The following RANBP17 variants were observed in gnomAD, a reference collection of about 807,000 sequenced individuals.
RANBP17 encodes RAN binding protein 17.
Under a neutral mutation model 141.2 loss-of-function variants are expected in RANBP17, and 158 were observed. That is an observed-to-expected ratio of 1.12 (90% confidence interval 0.98 to 1.28). The LOEUF is 1.28. RANBP17 is among the 50% of genes most tolerant of loss of function. RANBP17 has a pLI of 0.00. For synonymous variants in RANBP17, 430 were observed against 450.0 expected (o/e 0.96, Z 0.56); for missense variants, 1,438 against 1,290.7 (o/e 1.11, Z -1.75).
Position 171,233,067 on chromosome 5 carries a change from G to A in RANBP17, c.2423-7861G>A, listed in dbSNP as rs572374352. Reference sequence around the variant, plus strand: ...CTAGTAATTAGAAGGTAGACTGGGCGCAGCTGCTCATGCCTGTAGTCCTAG... The same window carrying A: ...CTAGTAATTAGAAGGTAGACTGGGCACAGCTGCTCATGCCTGTAGTCCTAG... On this transcript the variant is annotated intron_variant, in intron 22 of 27. Coordinates refer to ENST00000523189, the MANE Select transcript of RANBP17 (RefSeq NM_022897.5). Among the ~76,000 whole-genome samples the A allele has an allele frequency of 5.3e-5, 8 of 152,200 alleles. No individual in the cohort carries two copies. The South Asian group carries it at 8.3e-4, about 16-fold the overall frequency.
intron 14 of RANBP17, chr5:171,143,511 A>C (rs950185465): frequency 1.3e-5 from 2 of 152,084 alleles, no homozygotes; most frequent in East Asian, 3.9e-4. Context: ...CTTTAAAAAA[A>C]TTTTTTTCAC....
At chr5:170,881,746 A>G in intron 2 of RANBP17, 60 bp from the exon 3 acceptor site, 1 of 1,226,056 alleles carries the variant, frequency 8.2e-7, no homozygotes, top group Non-Finnish European at 1.1e-6. Flanking sequence ...GAACATCTCT[A>G]TCACAATGCT....
chr5:171,190,790 G>T (rs1329811618), intron 18 of RANBP17, among the ~76,000 whole-genome samples: 1 of 152,146 alleles, frequency 6.6e-6, no homozygotes, highest in African/African-American at 2.4e-5. Context: ...GTGTGGCAAG[G>T]CACTATAACA....
At chr5:171,090,145 G>A (rs545198078) in intron 14 of RANBP17, among the ~76,000 whole-genome samples, 48 of 152,292 alleles carry the variant, frequency 3.2e-4, no homozygotes, top group African/African-American at 1.1e-3. Flanking sequence ...GGAAAATGTG[G>A]AAGAGTTTGG....
chr5:171,157,089 A>G (rs1284046316), intron 14 of RANBP17, among the ~76,000 whole-genome samples: 1 of 152,204 alleles, frequency 6.6e-6, no homozygotes, highest in African/African-American at 2.4e-5. Context: ...CTCACTTGTA[A>G]GCTAACTGTC....
chr5:171,172,520 A>T (rs967871832), intron 16 of RANBP17, among the ~76,000 whole-genome samples: 3 of 146,960 alleles, frequency 2.0e-5, no homozygotes, highest in South Asian at 2.1e-4. Context: ...TTTTCTTATT[A>T]AAAAAAAAAC....
chr5:170,986,054 C>G (rs573249769), intron 14 of RANBP17, among the ~76,000 whole-genome samples: 155 of 152,138 alleles, frequency 1.0e-3, no homozygotes, highest in African/African-American at 3.5e-3. Context: ...TACCATACAT[C>G]CAGATTTGCC....
chr5:171,121,504 T>C (rs1756030806), intron 14 of RANBP17, among the ~76,000 whole-genome samples: 1 of 152,182 alleles, frequency 6.6e-6, no homozygotes, highest in African/African-American at 2.4e-5. Flanking sequence ...AGGTTCTGAG[T>C]TGGCTGATTC....
intron 14 of RANBP17, among the ~76,000 whole-genome samples, chr5:171,152,341 C>T (rs1486913057): frequency 6.6e-6 from 1 of 151,580 alleles, no homozygotes; most frequent in Non-Finnish European, 1.5e-5. Flanking sequence ...ATCGCTTGAA[C>T]CCGGGAGGCG....
chr5:171,031,083 A>G (rs1257623787), intron 14 of RANBP17, among the ~76,000 whole-genome samples: 1 of 152,062 alleles, frequency 6.6e-6, no homozygotes, highest in Non-Finnish European at 1.5e-5. Flanking sequence ...AATGAACTAA[A>G]ATTTGGAAAC....
chr5:170,919,720 A>T (rs1407761631), intron 11 of RANBP17, 107 bp downstream of exon 11: 1 of 795,790 alleles, frequency 1.3e-6, no homozygotes, highest in East Asian at 2.6e-5. Context: ...CAGTTGTATG[A>T]TTTCTGACAA....
intron 14 of RANBP17, among the ~76,000 whole-genome samples, chr5:171,163,254 T>C (rs1280221710): frequency 6.6e-6 from 1 of 152,216 alleles, no homozygotes; most frequent in Non-Finnish European, 1.5e-5. Context: ...TTAATGTGGA[T>C]CTATTCAGTG....
chr5:170,862,476 G>C (rs1766880877), intron 1 of RANBP17, among the ~76,000 whole-genome samples: 1 of 152,210 alleles, frequency 6.6e-6, no homozygotes, highest in Non-Finnish European at 1.5e-5. Context: ...CCGCGTCGCC[G>C]GCGCGGCTCT....
chr5:171,248,096 T>G (rs1445789960), intron 24 of RANBP17, among the ~76,000 whole-genome samples: 1 of 152,028 alleles, frequency 6.6e-6, no homozygotes, highest in Non-Finnish European at 1.5e-5. Context: ...GCTGGGCGCG[T>G]TGGCTAACGC....
chr5:170,909,887 T>G, intron 6 of RANBP17, 122 bp downstream of exon 6: 1 of 588,188 alleles, frequency 1.7e-6, no homozygotes, highest in Non-Finnish European at 3.0e-6. Flanking sequence ...GTGGACAGAC[T>G]TAAGTATAGT....
At chr5:170,965,241 G>A (rs982308440) in intron 13 of RANBP17, among the ~76,000 whole-genome samples, 1 of 90,106 alleles carries the variant, frequency 1.1e-5, no homozygotes, top group African/African-American at 3.2e-5. Flanking sequence ...TTTTTGATGG[G>A]GTTGTTTTTT....
chr5:171,218,552 T>A (rs1472878480), intron 21 of RANBP17, among the ~76,000 whole-genome samples: 4 of 152,148 alleles, frequency 2.6e-5, no homozygotes, highest in African/African-American at 9.7e-5. Context: ...TCTAAGAACT[T>A]GTTTCATGAA....
At chr5:170,868,550 G>A (rs1037599963) in intron 1 of RANBP17, among the ~76,000 whole-genome samples, 1 of 152,104 alleles carries the variant, frequency 6.6e-6, no homozygotes, top group Non-Finnish European at 1.5e-5. Flanking sequence ...GAGATTACAG[G>A]TGTGAGCCGC....
chr5:171,022,700 C>T (rs1217082865), intron 14 of RANBP17, among the ~76,000 whole-genome samples: 2 of 152,160 alleles, frequency 1.3e-5, no homozygotes, highest in African/African-American at 4.8e-5. Flanking sequence ...CTTCTCCTGC[C>T]CAGGGAACTT....
Sources: gnomAD v4.1 joint callset for allele counts (sites outside exome capture counted in the v4.1 genomes callset) on GRCh38, gnomAD v4.1.1 for gene constraint, MANE v1.5 for transcripts, NCBI Gene and HGNC (gene_info 2026-07-23, HGNC 2026-07-21) for gene names.